The following RAB3C variants were observed in gnomAD, a reference collection of about 807,000 sequenced individuals.
The protein encoded by RAB3C is RAB3C, member RAS oncogene family, also known as ras-related protein Rab-3C.
In RAB3C, 17 loss-of-function variants were observed where a neutral mutation model predicts 26.4. The ratio of observed to expected loss-of-function variants is 0.64; its 90% CI spans 0.44 to 0.97. The LOEUF (loss-of-function observed/expected upper bound fraction) is 0.97, where lower values mean the gene tolerates loss of function less well. Ranked by LOEUF, RAB3C falls within the 50% of genes least tolerant of loss-of-function variation. The pLI, the probability that RAB3C is intolerant of heterozygous loss-of-function variation, is 0.00. For missense variants in RAB3C, 242 were observed against 281.9 expected, an observed-to-expected ratio of 0.86 and a Z score of 1.01; for synonymous variants, 91 against 95.9, an observed-to-expected ratio of 0.95 and a Z score of 0.30.
intron 2 of RAB3C, among the ~76,000 whole-genome samples, chr5:58,662,078 A>G (rs1480255004): frequency 6.7e-6 from 1 of 149,844 alleles, no homozygotes; most frequent in East Asian, 1.9e-4. Flanking sequence ...TTTTTAATTT[A>G]GTCTTTTACA....
intron 3 of RAB3C, among the ~76,000 whole-genome samples, chr5:58,734,209 T>C (rs2111934245): frequency 6.6e-6 from 1 of 152,208 alleles, no homozygotes; most frequent in South Asian, 2.1e-4. Flanking sequence ...CTTCTGCAGT[T>C]TTTTTTTCTT....
intron 2 of RAB3C, among the ~76,000 whole-genome samples, chr5:58,700,970 TTTTATTTATTTATTTATTTATTTA>T (rs150630099): frequency 6.7e-6 from 1 of 148,280 alleles, no homozygotes; most frequent in Non-Finnish European, 1.5e-5. Flanking sequence ...CTTAAAAATC[TTTTATTTATTTATTTATTTATTTA>T]TTTATTTATT....
intron 3 of RAB3C, among the ~76,000 whole-genome samples, chr5:58,768,947 C>G (rs1420285842): frequency 1.3e-5 from 2 of 151,626 alleles, no homozygotes; most frequent in Non-Finnish European, 1.5e-5. Context: ...TGGAAACCAA[C>G]TAAGAGGCTG....
chr5:58,599,400 T>TGG (rs1746401286), intron 1 of RAB3C, among the ~76,000 whole-genome samples: 1 of 152,102 alleles, frequency 6.6e-6, no homozygotes, highest in Non-Finnish European at 1.5e-5. Context: ...AGTCCTGAGC[T>TGG]TCAGGACCAT....
chr5:58,584,848 C>CA (rs33927324), intron 1 of RAB3C, among the ~76,000 whole-genome samples: 152,186 of 152,194 alleles, frequency 1, 76,089 homozygotes, highest in Middle Eastern at 1. Flanking sequence ...TGCTTTCTTA[C>CA]AGAGTTGCTT....
At chr5:58,850,577 G>C (rs369833410) in intron 4 of RAB3C, among the ~76,000 whole-genome samples, 1 of 152,216 alleles carries the variant, frequency 6.6e-6, no homozygotes, top group Non-Finnish European at 1.5e-5. Flanking sequence ...ACATGGAAAA[G>C]TTAGAGCTGG....
chr5:58,583,446 A>G, intron 1 of RAB3C: 1 of 644,776 alleles, frequency 1.6e-6, no homozygotes, highest in Non-Finnish European at 1.9e-6. Context: ...GCTATTCGCA[A>G]TCTTTCTAGG....
chr5:58,792,061 A>G (rs767475215), intron 3 of RAB3C, among the ~76,000 whole-genome samples: 4 of 152,250 alleles, frequency 2.6e-5, no homozygotes, highest in Non-Finnish European at 5.9e-5. Context: ...TAAGTGTGAG[A>G]TGGTGTCATT....
intron 3 of RAB3C, among the ~76,000 whole-genome samples, chr5:58,799,961 G>A (rs951676326): frequency 6.6e-6 from 1 of 152,180 alleles, no homozygotes; most frequent in African/African-American, 2.4e-5. Flanking sequence ...TTTCTTCAAA[G>A]ACATTATCAG....
At chr5:58,832,653 C>T (rs1294834744) in intron 4 of RAB3C, among the ~76,000 whole-genome samples, 1 of 152,156 alleles carries the variant, frequency 6.6e-6, no homozygotes, top group Non-Finnish European at 1.5e-5. Flanking sequence ...TTAAGAATGT[C>T]CCTGTTTGGA....
At chr5:58,724,157 G>T (rs1203319287) in intron 2 of RAB3C, among the ~76,000 whole-genome samples, 1 of 151,490 alleles carries the variant, frequency 6.6e-6, no homozygotes, top group Non-Finnish European at 1.5e-5. Flanking sequence ...TATTAGCCTT[G>T]CTGTCCCACA....
intron 3 of RAB3C, among the ~76,000 whole-genome samples, chr5:58,781,306 AC>A (rs1314137334): frequency 6.6e-6 from 1 of 152,146 alleles, no homozygotes; most frequent in Non-Finnish European, 1.5e-5. Context: ...TAAAATTAAT[AC>A]TTGTATATGT....
chr5:58,783,995 A>T (rs1199466452), intron 3 of RAB3C, among the ~76,000 whole-genome samples: 1 of 152,094 alleles, frequency 6.6e-6, no homozygotes, highest in Non-Finnish European at 1.5e-5. Context: ...GGGTGAGCAT[A>T]TGGGAAGGCA....
chr5:58,652,784 A>G (rs1473874051), intron 2 of RAB3C, among the ~76,000 whole-genome samples: 1 of 151,536 alleles, frequency 6.6e-6, no homozygotes, highest in Non-Finnish European at 1.5e-5. Context: ...GGCTTTAATT[A>G]CTGTAGCTTT....
intron 4 of RAB3C, among the ~76,000 whole-genome samples, chr5:58,828,901 CTTTT>C (rs762653092): frequency 0.055 from 6,689 of 122,410 alleles, 541 homozygotes; most frequent in African/African-American, 0.18. Flanking sequence ...TTTTACCATG[CTTTT>C]TTTTTTTTTT....
In RAB3C at chr5:58,788,947, C is replaced by T. The variant is rs76710481; in HGVS notation, c.372-36091C>T. ...GCAAAACCAGATGATACCACTCAGA[C>T]GAAGGGAAGAGTGAGGAGATTTAAA... On this transcript the variant is annotated intron_variant, in intron 3 of 4. Coordinates refer to ENST00000282878, the MANE Select transcript of RAB3C (RefSeq NM_138453.4). Among the ~76,000 whole-genome samples the T allele has an allele frequency of 3.9e-5, 6 of 152,032 alleles. No individual in the cohort carries two copies. In the East Asian group the frequency reaches 5.8e-4, roughly 15 times the overall value.
At chr5:58,795,724 T>C (rs1742629958) in intron 3 of RAB3C, among the ~76,000 whole-genome samples, 1 of 152,020 alleles carries the variant, frequency 6.6e-6, no homozygotes, top group African/African-American at 2.4e-5. Context: ...GTGATTTCCA[T>C]TAAACAGCAG....
chr5:58,744,964 G>A (rs1579894499), intron 3 of RAB3C, among the ~76,000 whole-genome samples: 1 of 152,194 alleles, frequency 6.6e-6, no homozygotes, highest in East Asian at 1.9e-4. Flanking sequence ...CCATTATTGG[G>A]GAATCAACCT....
At chr5:58,597,059 C>T (rs1483369596) in intron 1 of RAB3C, among the ~76,000 whole-genome samples, 8 of 81,602 alleles carry the variant, frequency 9.8e-5, no homozygotes, top group African/African-American at 3.7e-4. Context: ...ATATATAATA[C>T]ATAATATATA....
Sources: gnomAD v4.1 joint callset for allele counts (sites outside exome capture counted in the v4.1 genomes callset) on GRCh38, gnomAD v4.1.1 for gene constraint, MANE v1.5 for transcripts, NCBI Gene and HGNC (gene_info 2026-07-23, HGNC 2026-07-21) for gene names.